Variants in STK40 observed in about 807,000 individuals in gnomAD.
STK40 encodes the protein serine/threonine-protein kinase 40.
A neutral mutation model predicts 47.9 loss-of-function variants in STK40; 13 were observed. The ratio of observed to expected loss-of-function variants is 0.27; its 90% CI spans 0.18 to 0.43. The LOEUF (loss-of-function observed/expected upper bound fraction) is 0.43, where lower values mean the gene tolerates loss of function less well. Among genes scored for constraint, STK40 ranks in the 20% least tolerant of loss-of-function variants. The pLI is 1.00. For missense variants in STK40, 460 were observed against 595.1 expected (o/e 0.77, Z 2.36); for synonymous variants, 225 against 243.2 (o/e 0.93, Z 0.69).
At chr1:36,380,599 G>A (rs1000498770) in intron 1 of STK40, among the ~76,000 whole-genome samples, 1 of 152,232 alleles carries the variant, frequency 6.6e-6, no homozygotes, top group Non-Finnish European at 1.5e-5. Flanking sequence ...TCTCCCCTGA[G>A]GGTCTCTGCT....
intron 2 of STK40, 145 bp from the exon 3 acceptor site, chr1:36,358,967 T>C (rs1646829274): frequency 2.5e-6 from 2 of 792,702 alleles, no homozygotes; most frequent in South Asian, 3.5e-5. Flanking sequence ...GGTCTCCTGG[T>C]GGAGAGTTTT....
intron 1 of STK40, among the ~76,000 whole-genome samples, chr1:36,365,607 T>C (rs1195843903): frequency 6.6e-6 from 1 of 152,212 alleles, no homozygotes; most frequent in Non-Finnish European, 1.5e-5. Flanking sequence ...CTTCTAGAAA[T>C]ATCTTTAAAA....
rs145487256 is a variant in STK40 at position 36,355,393 on chromosome 1, C to A, written c.383G>T (p.Arg128Leu). The change falls in exon 5 of 11, where the codon CGG (arginine) becomes CTG (leucine). Residue 128 changes from arginine (R) to leucine (L), a missense_variant. Physicochemically the swap from Arg to Leu is moderately radical, Grantham distance 102. Around this residue, in one of 3 missense-constraint regions of STK40, gnomAD observed 277 missense variants for 358.7 expected, o/e 0.77. Transcript: ENST00000373132. ...GCGCTTCTTCATCTTCTTAACCATC[C>A]GGCTGGATTCTGTGTCCTCAACGAT... The part of the protein sequence containing the change: ...CEIVEDTESS[R>L]MVKKMKKRIC... The A allele has an allele frequency of 1.6e-4, 265 of 1,614,024 alleles. 1 individual carries two copies. Among genetic ancestry groups the A allele is most frequent in the Non-Finnish European group, 2.1e-4 (245 of 1,180,022 alleles).
At chr1:36,356,064 G>C (rs1646800887) in intron 4 of STK40, among the ~76,000 whole-genome samples, 1 of 152,150 alleles carries the variant, frequency 6.6e-6, no homozygotes, top group Non-Finnish European at 1.5e-5. Context: ...TGTGGGACCT[G>C]GGGCAGTCTG....
Position 36,350,934 on chromosome 1 carries a change from T to TCC in STK40, c.624-2121_624-2120dup, listed in dbSNP as rs113328878. Among the ~76,000 whole-genome samples, 992 of 152,124 alleles carry TCC rather than the reference T, an allele frequency of 6.5e-3. 8 individuals carry two copies. Among genetic ancestry groups the TCC allele is most frequent in the African/African-American group, 0.022 (932 of 41,508 alleles). ...AAGTCCTCCTGAGGTTTGGCAACAC[T>TCC]CCCCTGCCCTGCCACCACCACCCAA... On this transcript the variant is annotated intron_variant, in intron 6 of 10. Transcript: ENST00000373132.
At chr1:36,384,760 C>A (rs559697717) in intron 1 of STK40, among the ~76,000 whole-genome samples, 4 of 152,342 alleles carry the variant, frequency 2.6e-5, no homozygotes, top group African/African-American at 9.6e-5. Context: ...CACAGCACGG[C>A]CATTAGGAAG....
intron 1 of STK40, among the ~76,000 whole-genome samples, chr1:36,366,346 G>A (rs1444182701): frequency 1.3e-5 from 2 of 152,174 alleles, no homozygotes; most frequent in African/African-American, 2.4e-5. Flanking sequence ...CAACAGACGC[G>A]CAGGGAGATG....
At chr1:36,376,422 T>C (rs1026704164) in intron 1 of STK40, among the ~76,000 whole-genome samples, 16 of 152,212 alleles carry the variant, frequency 1.1e-4, no homozygotes, top group African/African-American at 3.6e-4. Context: ...GTACCTGCCT[T>C]GGGCCCAGCA....
intron 1 of STK40, among the ~76,000 whole-genome samples, chr1:36,367,370 T>C (rs1034700085): frequency 6.6e-6 from 1 of 152,156 alleles, no homozygotes. Flanking sequence ...TGGGCCTCAG[T>C]GTGAGAGGGC....
chr1:36,341,069 C>T lies in STK40; in HGVS notation c.*686G>A, dbSNP rs1646642500. On this transcript the variant is annotated 3_prime_UTR_variant, in exon 11 of 11. Coordinates refer to ENST00000373132, the MANE Select transcript of STK40 (RefSeq NM_001282547.2). ...GACAGGGACTGGCAGGAGGGGCTTC[C>T]CTGCCTGGGGGTGAGGAGGGAGCTC... The T allele has an allele frequency of 6.6e-6, 1 of 152,468 alleles. No individual in the cohort carries two copies. Among genetic ancestry groups the T allele is most frequent in the African/African-American group, 2.4e-5 (1 of 41,430 alleles). 9.4% of individuals were successfully genotyped at this position (152,468 alleles called of 1,614,324 possible). A position where few individuals can be genotyped will look rare whatever the true frequency, so the allele number is the denominator to read the frequency against.
Position 36,345,991 on chromosome 1 carries a change from A to ATAT in STK40, c.740-1728_740-1727insATA. ...TACATATATATATATATATATATATATTTTTTTTTTTTTTTTTTCCTGAGA... is the reference window on the plus strand; with the variant it reads ...TACATATATATATATATATATATATATATTTTTTTTTTTTTTTTTTTCCTGAGA... On this transcript the variant is annotated intron_variant, in intron 7 of 10. Coordinates refer to ENST00000373132, the MANE Select transcript of STK40 (RefSeq NM_001282547.2). Among the ~76,000 whole-genome samples, 7 of 26,470 alleles carry ATAT rather than the reference A, an allele frequency of 2.6e-4. 1 individual carries two copies. Among genetic ancestry groups the ATAT allele is most frequent in the East Asian group, 7.3e-4 (1 of 1,366 alleles). The allele number at this position is 26,470 out of a possible 152,430, so 17.4% of individuals were successfully genotyped here. A position where few individuals can be genotyped will look rare whatever the true frequency, so the allele number is the denominator to read the frequency against.
rs755307644 is a variant in STK40, at chr1:36,348,755, G to C, written c.684C>G (p.Asp228Glu). 2.5e-6 allele frequency: 4 copies of C among 1,611,154 alleles called. No homozygotes were observed. In the South Asian group the frequency reaches 4.4e-5, roughly 18 times the overall value. The change falls in exon 7 of 11, where the codon GAC (aspartate) becomes GAG (glutamate). Residue 228 changes from aspartate (D) to glutamate (E), a missense_variant. Physicochemically the swap from Asp to Glu is conservative, Grantham distance 45. Transcript: ENST00000373132. ...CLGKHLVSEG[D>E]LLKDQRGSPA... ...GGCTCCCTCTCTGGTCCTTCAGCAGGTCCCCCTCGCTCACCAGATGCTTCC... is the reference window on the plus strand; with the variant it reads ...GGCTCCCTCTCTGGTCCTTCAGCAGCTCCCCCTCGCTCACCAGATGCTTCC...
At chr1:36,364,143 T>C (rs1570454791) in intron 1 of STK40, among the ~76,000 whole-genome samples, 1 of 152,048 alleles carries the variant, frequency 6.6e-6, no homozygotes, top group Admixed American at 6.6e-5. Context: ...AGAGCAAGAC[T>C]CCGTCTCAAA....
At chr1:36,359,095 A>G (rs1646830252) in intron 2 of STK40, among the ~76,000 whole-genome samples, 2 of 152,156 alleles carry the variant, frequency 1.3e-5, no homozygotes. Context: ...TGGAATGTCT[A>G]GTGAGCATCT....
At chr1:36,351,628 G>A (rs1369796863) in intron 6 of STK40, among the ~76,000 whole-genome samples, 1 of 152,198 alleles carries the variant, frequency 6.6e-6, no homozygotes, top group Non-Finnish European at 1.5e-5. Context: ...CTGGGTATGA[G>A]TGAGGCATTG....
At chr1:36,350,500 T>C (rs1205120502) in intron 6 of STK40, among the ~76,000 whole-genome samples, 1 of 152,224 alleles carries the variant, frequency 6.6e-6, no homozygotes, top group Non-Finnish European at 1.5e-5. Context: ...GCTCTGCCAC[T>C]TCCTTGCTCT....
chr1:36,379,990 C>A (rs1394581811), intron 1 of STK40, among the ~76,000 whole-genome samples: 1 of 152,134 alleles, frequency 6.6e-6, no homozygotes, highest in Non-Finnish European at 1.5e-5. Context: ...TAGCAGAGAG[C>A]TTGTTGAATA....
intron 1 of STK40, among the ~76,000 whole-genome samples, chr1:36,368,261 G>A (rs1414808552): frequency 1.3e-5 from 2 of 151,578 alleles, no homozygotes; most frequent in African/African-American, 4.9e-5. Context: ...TAATAAACAT[G>A]TACTACTCAT....
intron 1 of STK40, among the ~76,000 whole-genome samples, chr1:36,364,567 A>C (rs941383546): frequency 1.3e-5 from 2 of 151,702 alleles, no homozygotes; most frequent in Non-Finnish European, 2.9e-5. Context: ...TTTTACTGCT[A>C]TGTATTAGTG....
Sources: gnomAD v4.1 joint callset for allele counts (sites outside exome capture counted in the v4.1 genomes callset) on GRCh38, gnomAD v4.1.1 for gene constraint, gnomAD v4.1.1 regional missense constraint, MANE v1.5 for transcripts, NCBI Gene and HGNC (gene_info 2026-07-23, HGNC 2026-07-21) for gene names.